RHOU: variants seen among roughly 807,000 people sequenced by gnomAD.
The protein encoded by RHOU is ras homolog family member U.
In RHOU, 8 loss-of-function variants were observed where a neutral mutation model predicts 12.6. The observed-to-expected ratio is 0.64, with a 90% CI of 0.37 to 1.15. The LOEUF (loss-of-function observed/expected upper bound fraction) is 1.15, where lower values mean the gene tolerates loss of function less well. RHOU is among the 50% of genes most tolerant of loss of function. RHOU has a pLI of 0.01. For missense variants in RHOU, 258 were observed against 347.0 expected (o/e 0.74, Z 2.04); for synonymous variants, 161 against 147.4 (o/e 1.09, Z -0.67).
At chr1:228,696,191 AT>A in the RHOU span, among the ~76,000 whole-genome samples, 1 of 151,364 alleles carries the variant, frequency 6.6e-6, no homozygotes, top group African/African-American at 2.4e-5. Context: ...TTTCCCCTCT[AT>A]TTTTTCTGCA....
At chr1:228,647,555 C>A in the RHOU span, among the ~76,000 whole-genome samples, 1 of 152,192 alleles carries the variant, frequency 6.6e-6, no homozygotes. Context: ...TCTGTGGTAC[C>A]CGCTGCCCCT....
the RHOU span, among the ~76,000 whole-genome samples, chr1:228,684,253 T>A: frequency 6.6e-6 from 1 of 152,096 alleles, no homozygotes; most frequent in Admixed American, 6.6e-5. Context: ...GCCAGGCTGG[T>A]CTTGAACTGC....
chr1:228,707,282 G>A, the RHOU span, among the ~76,000 whole-genome samples: 1 of 137,396 alleles, frequency 7.3e-6, no homozygotes, highest in South Asian at 2.2e-4. Context: ...GTGTGTGTGT[G>A]TGTGTGTGTG....
Position 228,744,054 on chromosome 1 carries a change from G to A in RHOU, c.*314G>A, listed in dbSNP as rs1662777628. 1 of 273,550 alleles carries A rather than the reference G, an allele frequency of 3.7e-6. No homozygotes were observed. Among genetic ancestry groups the A allele is most frequent in the Admixed American group, 5.0e-5 (1 of 20,108 alleles). The allele number at this position is 273,550 out of a possible 1,614,324, so 16.9% of individuals were successfully genotyped here. On this transcript the variant is annotated 3_prime_UTR_variant, in exon 3 of 3. Transcript: ENST00000366691. ...AAGACACCTCTAATCTGGATGTTAA[G>A]AATGAAGTTCTGCTACATTATAATG...
chr1:228,678,500 C>T, the RHOU span, among the ~76,000 whole-genome samples: 1 of 152,110 alleles, frequency 6.6e-6, no homozygotes, highest in Admixed American at 6.6e-5. Context: ...CTTTTAATGG[C>T]CCTTGCAGTG....
upstream of RHOU, among the ~76,000 whole-genome samples, chr1:228,733,413 T>C (rs1244496320): frequency 6.6e-6 from 1 of 152,232 alleles, no homozygotes; most frequent in East Asian, 1.9e-4. Flanking sequence ...GCTCAAGTGA[T>C]CCTCCTACCT....
the RHOU span, among the ~76,000 whole-genome samples, chr1:228,659,160 C>G: frequency 4.6e-5 from 7 of 152,142 alleles, no homozygotes; most frequent in African/African-American, 1.7e-4. Flanking sequence ...GGGCGGATCA[C>G]CTGAGGTCAG....
chr1:228,708,406 G>A, the RHOU span, among the ~76,000 whole-genome samples: 25 of 151,802 alleles, frequency 1.6e-4, no homozygotes, highest in East Asian at 4.8e-3. Flanking sequence ...GGCAGCCAGA[G>A]AGAAAGGTCG....
the RHOU span, among the ~76,000 whole-genome samples, chr1:228,699,447 C>CAAA: frequency 2.7e-4 from 11 of 40,598 alleles, no homozygotes; most frequent in South Asian, 3.3e-3. Flanking sequence ...GAACCTGTCT[C>CAAA]AAAAAAAAAA....
Position 228,737,771 on chromosome 1 carries a change from A to G in RHOU, c.321+40A>G, listed in dbSNP as rs1005898535. 1.3e-6 allele frequency: 2 copies of G among 1,598,554 alleles called. No homozygotes were observed. The highest frequency in any genetic ancestry group is 1.7e-5 in the Admixed American group (1 of 59,964). On this transcript the variant is annotated intron_variant, in intron 2 of 2. Coordinates refer to ENST00000366691, the MANE Select transcript of RHOU (RefSeq NM_021205.6). The surrounding 1 kb of genome is among the most constrained non-coding windows in gnomAD (Gnocchi z 4.1). ...ACAGCTCAGTGCTGGGAAAGGAAAC[A>G]GCCTTTTAAAGATTTCCAAATAACC...
At chr1:228,672,654 T>C in the RHOU span, among the ~76,000 whole-genome samples, 1 of 152,164 alleles carries the variant, frequency 6.6e-6, no homozygotes, top group Non-Finnish European at 1.5e-5. Context: ...ACTGCAGTAG[T>C]GGGGAGTGGA....
chr1:228,651,417 C>G, the RHOU span: 1 of 154,420 alleles, frequency 6.5e-6, no homozygotes. Context: ...CCAAGAGCAG[C>G]TATGACTTTT....
chr1:228,732,186 T>C (rs1456356113), upstream of RHOU, among the ~76,000 whole-genome samples: 1 of 152,226 alleles, frequency 6.6e-6, no homozygotes, highest in African/African-American at 2.4e-5. Flanking sequence ...CTTAAGTATT[T>C]ATTAAGCACC....
chr1:228,650,881 G>C, the RHOU span: 1 of 392,164 alleles, frequency 2.5e-6, no homozygotes, highest in Non-Finnish European at 5.0e-6. Context: ...TGTGAGGCCT[G>C]CAAGACCCAC....
the RHOU span, among the ~76,000 whole-genome samples, chr1:228,674,841 C>T: frequency 6.6e-6 from 1 of 152,152 alleles, no homozygotes; most frequent in Non-Finnish European, 1.5e-5. Flanking sequence ...CGCCGTTCTC[C>T]TGTCTCAGCC....
chr1:228,713,149 T>A, the RHOU span, among the ~76,000 whole-genome samples: 1 of 152,180 alleles, frequency 6.6e-6, no homozygotes, highest in Admixed American at 6.5e-5. Context: ...GGTTGACTGA[T>A]GGCAGGCAAC....
the RHOU span, among the ~76,000 whole-genome samples, chr1:228,660,069 A>G: frequency 6.6e-6 from 1 of 151,874 alleles, no homozygotes; most frequent in African/African-American, 2.4e-5. Context: ...TAGGAGGATC[A>G]CTTGAACCTG....
upstream of RHOU, among the ~76,000 whole-genome samples, chr1:228,733,484 T>G (rs1401821971): frequency 2.0e-5 from 3 of 152,214 alleles, no homozygotes; most frequent in Non-Finnish European, 4.4e-5. Context: ...TTTTTTTATT[T>G]TTGGTAGAGA....
At chr1:228,665,098 C>A in the RHOU span, among the ~76,000 whole-genome samples, 1 of 152,188 alleles carries the variant, frequency 6.6e-6, no homozygotes, top group African/African-American at 2.4e-5. Context: ...CTCAGAATGG[C>A]TAAGTGACTT....
Sources: allele counts gnomAD v4.1 joint callset (sites outside exome capture counted in the v4.1 genomes callset), GRCh38; gene constraint gnomAD v4.1.1; non-coding constraint Gnocchi (gnomAD v3.1); transcripts MANE v1.5; gene names NCBI Gene and HGNC (gene_info 2026-07-23, HGNC 2026-07-21).